The following HNRNPUL1 variants were observed in gnomAD, a reference collection of about 807,000 sequenced individuals.
The protein encoded by HNRNPUL1 is heterogeneous nuclear ribonucleoprotein U-like protein 1.
A neutral mutation model predicts 108.5 loss-of-function variants in HNRNPUL1; 14 were observed. The observed-to-expected ratio is 0.13, with a 90% confidence interval of 0.09 to 0.20. HNRNPUL1 has a LOEUF of 0.20. HNRNPUL1 is among the 10% of genes least tolerant of loss of function. The probability of loss-of-function intolerance (pLI) is 1.00; values close to 1 mark genes in which losing one functional copy is unlikely to be tolerated. For missense variants in HNRNPUL1, 804 were observed against 1,168.3 expected (o/e 0.69, Z 4.55); for synonymous variants, 422 against 445.2 (o/e 0.95, Z 0.66).
At chr19:41,272,035 G>A in intron 2 of HNRNPUL1, 47 bp from the exon 3 acceptor site, 7 of 1,600,912 alleles carry the variant, frequency 4.4e-6, no homozygotes, top group Non-Finnish European at 6.0e-6. Flanking sequence ...AGTGATAGCT[G>A]GGGAGCTTGC....
At chr19:41,296,566 G>T (rs922778722) in intron 10 of HNRNPUL1, among the ~76,000 whole-genome samples, 5 of 152,210 alleles carry the variant, frequency 3.3e-5, no homozygotes, top group Admixed American at 3.3e-4. Flanking sequence ...TAAAGCCAGT[G>T]GTTTCACCTG....
chr19:41,281,132 T>G, intron 6 of HNRNPUL1, 31 bp from the exon 7 acceptor site: 2 of 1,493,996 alleles, frequency 1.3e-6, no homozygotes, highest in East Asian at 4.5e-5. Flanking sequence ...CATCGCAGGT[T>G]TAACCTGCCT....
rs1179837297 is a variant in HNRNPUL1, at chr19:41,264,387, C to A, written c.-117C>A. On this transcript the variant is annotated 5_prime_UTR_variant, in exon 1 of 15. Transcript: ENST00000392006. ...GGCGGCGGCCATTTTGAGCCGCTGC[C>A]GCCATTGGAGTGGGCCCCCCCCCTT... 3.4e-6 allele frequency: 3 copies of A among 876,468 alleles called. No individual in the cohort carries two copies. Among genetic ancestry groups the A allele is most frequent in the Non-Finnish European group, 4.6e-6 (3 of 652,700 alleles). The allele number at this position is 876,468 out of a possible 1,614,324, so 54.3% of individuals were successfully genotyped here.
chr19:41,279,206 G>A (rs1330184985), intron 6 of HNRNPUL1, 30 bp downstream of exon 6: 1 of 1,445,134 alleles, frequency 6.9e-7, no homozygotes, highest in South Asian at 1.1e-5. Context: ...GCAGTCCAGA[G>A]AATAGAGTGA....
intron 3 of HNRNPUL1, among the ~76,000 whole-genome samples, chr19:41,273,221 A>C (rs1342654380): frequency 1.3e-5 from 2 of 152,184 alleles, no homozygotes; most frequent in African/African-American, 4.8e-5. Flanking sequence ...AGCACAGCTC[A>C]TCCATGTTAG....
chr19:41,276,152 T>G lies in HNRNPUL1; in HGVS notation c.647-7T>G. 6.2e-7 allele frequency: 1 copy of G among 1,613,900 alleles called. No individual in the cohort carries two copies. The highest frequency in any genetic ancestry group is 8.5e-7 in the Non-Finnish European group (1 of 1,179,944). Reference sequence around the variant, plus strand: ...CATCAGCCAACTGTGGGCATTTTCCTTCACAGATAACTGCGACCTCCACTT... The same window carrying G: ...CATCAGCCAACTGTGGGCATTTTCCGTCACAGATAACTGCGACCTCCACTT... On this transcript the variant is annotated splice_region_variant and splice_polypyrimidine_tract_variant and intron_variant, in intron 4 of 14. Coordinates refer to ENST00000392006, the MANE Select transcript of HNRNPUL1 (RefSeq NM_007040.6).
chr19:41,300,984 T>C (rs981688531), intron 10 of HNRNPUL1, among the ~76,000 whole-genome samples: 1 of 152,178 alleles, frequency 6.6e-6, no homozygotes, highest in African/African-American at 2.4e-5. Context: ...TACACAGCCA[T>C]TAAAAAAGAA....
Position 41,292,231 on chromosome 19 carries a change from G to T in HNRNPUL1, c.1000-14G>T. 2 of 1,612,712 alleles carry T rather than the reference G, an allele frequency of 1.2e-6. No individual in the cohort carries two copies. Among genetic ancestry groups the T allele is most frequent in the Non-Finnish European group, 1.7e-6 (2 of 1,178,830 alleles). ...AAGAGTTGGCAATCATATTCCTTTG[G>T]CTTTTTCTCCTAGGATTTTGAATGT... is the stretch of plus-strand genomic sequence containing the variant. On this transcript the variant is annotated splice_polypyrimidine_tract_variant and intron_variant, in intron 7 of 14. Coordinates refer to ENST00000392006, the MANE Select transcript of HNRNPUL1 (RefSeq NM_007040.6). This position sits in a 1 kb window ranked among gnomAD's most constrained non-coding sequence, Gnocchi z 4.1.
At chr19:41,269,826 G>A (rs771325081) in intron 2 of HNRNPUL1, among the ~76,000 whole-genome samples, 1 of 152,022 alleles carries the variant, frequency 6.6e-6, no homozygotes, top group Non-Finnish European at 1.5e-5. Context: ...CGAGTGCGAT[G>A]GCTGTTACAT....
At position 41,306,638 on chromosome 19, in the gene HNRNPUL1, G is replaced by GC; in HGVS notation, c.*78dup. ...CAGCGCCTGCCTCGGCCCCTCCTCT[G>GC]CCCCCGCCAGATCCCGTGGTGCTGG... On this transcript the variant is annotated 3_prime_UTR_variant, in exon 15 of 15. Coordinates refer to ENST00000392006, the MANE Select transcript of HNRNPUL1 (RefSeq NM_007040.6). 3.3e-6 allele frequency: 3 copies of GC among 914,890 alleles called. No individual in the cohort carries two copies. The highest frequency in any genetic ancestry group is 2.9e-5 in the East Asian group (1 of 34,248). The allele number at this position is 914,890 out of a possible 1,614,324, so 56.7% of individuals were successfully genotyped here. A position where few individuals can be genotyped will look rare whatever the true frequency, so the allele number is the denominator to read the frequency against.
In HNRNPUL1 at chr19:41,279,074, C is replaced by T; in HGVS notation, c.787-3C>T. On this transcript the variant is annotated splice_region_variant and splice_polypyrimidine_tract_variant and intron_variant, in intron 5 of 14. Transcript: ENST00000392006. ...CCTGAGCCCTTTTGTCCTCTTTCCT[C>T]AGATCAATGAGGAAATCTCCGTGAA... The T allele has an allele frequency of 6.2e-7, 1 of 1,612,706 alleles. No homozygotes were observed. Among genetic ancestry groups the T allele is most frequent in the Non-Finnish European group, 8.5e-7 (1 of 1,178,810 alleles).
In HNRNPUL1 at chr19:41,294,484, C is replaced by T. The variant is rs772395072; in HGVS notation, c.1389+24C>T. On this transcript the variant is annotated intron_variant, in intron 9 of 14. Coordinates refer to ENST00000392006, the MANE Select transcript of HNRNPUL1 (RefSeq NM_007040.6). The surrounding 1 kb of genome is among the most constrained non-coding windows in gnomAD (Gnocchi z 4.3). ...GGGTAAGGCCAGCCACTGGACTCTC[C>T]TTACTCACCTCCAACCTACTGAGTG... 2.5e-6 allele frequency: 4 copies of T among 1,613,956 alleles called. No homozygotes were observed. The highest frequency in any genetic ancestry group is 3.3e-5 in the Admixed American group (2 of 60,004).
intron 4 of HNRNPUL1, among the ~76,000 whole-genome samples, chr19:41,274,417 C>CT (rs1237657402): frequency 1.3e-5 from 2 of 152,234 alleles, no homozygotes; most frequent in Non-Finnish European, 2.9e-5. Context: ...GGAAGGGAAT[C>CT]TGAGTGCAGC....
chr19:41,294,280 C>G lies in HNRNPUL1; in HGVS notation c.1267-58C>G. On this transcript the variant is annotated intron_variant, in intron 8 of 14. Transcript: ENST00000392006. This position sits in a 1 kb window ranked among gnomAD's most constrained non-coding sequence, Gnocchi z 4.3. ...CCAGAGTCACACTCACAGTCACCAC[C>G]GAGCCAAGTGGTGCCATACCACCAT... 1.3e-6 allele frequency: 2 copies of G among 1,596,612 alleles called. No homozygotes were observed. The highest frequency in any genetic ancestry group is 1.7e-6 in the Non-Finnish European group (2 of 1,168,500).
rs747386607 is a variant in HNRNPUL1, at chr19:41,304,296, C to T, written c.2262+35C>T. ...TGAGTGTGTGTTTGTATGTAGTGAT[C>T]GCACGTGTGCTTTTGAACCTGAGCA... is the stretch of plus-strand genomic sequence containing the variant. On this transcript the variant is annotated intron_variant, in intron 13 of 14. Coordinates refer to ENST00000392006, the MANE Select transcript of HNRNPUL1 (RefSeq NM_007040.6). 46 of 1,549,654 alleles carry T rather than the reference C, an allele frequency of 3.0e-5. No homozygotes were observed. The Admixed American group carries it at 6.4e-4, about 22-fold the overall frequency.
chr19:41,303,001 T>G (rs770139368), intron 12 of HNRNPUL1, 52 bp downstream of exon 12: 1 of 1,501,312 alleles, frequency 6.7e-7, no homozygotes, highest in Admixed American at 2.3e-5. Flanking sequence ...AGGTTGGGGC[T>G]GGGCTTTGAC....
chr19:41,305,118 C>T lies in HNRNPUL1; in HGVS notation c.2263-558C>T, dbSNP rs554161162. On this transcript the variant is annotated intron_variant, in intron 13 of 14. Transcript: ENST00000392006. ...TGGGGTCAAGTCCTTTTTCCTTGGC[C>T]CAGAAATTTCATCTTGAGCCTCAGT... is the stretch of plus-strand genomic sequence containing the variant. Among the ~76,000 whole-genome samples the T allele has an allele frequency of 2.0e-5, 3 of 152,264 alleles. No homozygotes were observed. The South Asian group carries it at 6.2e-4, about 32-fold the overall frequency.
Position 41,294,276 on chromosome 19 carries a change from C to A in HNRNPUL1, c.1267-62C>A. 6.3e-7 allele frequency: 1 copy of A among 1,594,846 alleles called. No homozygotes were observed. The highest frequency in any genetic ancestry group is 1.1e-5 in the South Asian group (1 of 88,414). ...AGGTCCAGAGTCACACTCACAGTCA[C>A]CACCGAGCCAAGTGGTGCCATACCA... is the stretch of plus-strand genomic sequence containing the variant. On this transcript the variant is annotated intron_variant, in intron 8 of 14. Transcript: ENST00000392006. This position sits in a 1 kb window ranked among gnomAD's most constrained non-coding sequence, Gnocchi z 4.3.
At position 41,294,593 on chromosome 19, in the gene HNRNPUL1, C is replaced by A. The variant is rs772908438; in HGVS notation, c.1425C>A (p.Gly475=). Residue 475 remains glycine, a synonymous_variant, in exon 10 of 15, where the codon GGC becomes GGA. Transcript: ENST00000392006. The surrounding 1 kb of genome is among the most constrained non-coding windows in gnomAD (Gnocchi z 4.3). ...TACGCCGGCAGCGGAACTATGCTGG[C>A]CGCTGGGATGTCCTGATCCAGCAGG... The part of the protein sequence containing the change: ...MGLRRQRNYA[G]RWDVLIQQAT... 12 of 1,614,190 alleles carry A rather than the reference C, an allele frequency of 7.4e-6. No individual in the cohort carries two copies. The highest frequency in any genetic ancestry group is 1.0e-5 in the Non-Finnish European group (12 of 1,180,036).
Sources: gnomAD v4.1 joint callset for allele counts (sites outside exome capture counted in the v4.1 genomes callset) on GRCh38, gnomAD v4.1.1 for gene constraint, Gnocchi (gnomAD v3.1) non-coding constraint, MANE v1.5 for transcripts, NCBI Gene and HGNC (gene_info 2026-07-23, HGNC 2026-07-21) for gene names.